The following FXN variants were observed in gnomAD, a reference collection of about 807,000 sequenced individuals.
FXN encodes the protein frataxin, mitochondrial.
Under a neutral mutation model 22.4 loss-of-function variants are expected in FXN, and 14 were observed. The observed-to-expected ratio is 0.62, with a 90% CI of 0.41 to 0.98. The LOEUF (loss-of-function observed/expected upper bound fraction) is 0.98, where lower values mean the gene tolerates loss of function less well. Ranked by LOEUF, FXN falls within the 50% of genes least tolerant of loss-of-function variation. The probability of loss-of-function intolerance (pLI) is 0.00; values close to 1 mark genes in which losing one functional copy is unlikely to be tolerated. For synonymous variants in FXN, 120 were observed against 114.1 expected (o/e 1.05, Z -0.33); for missense variants, 267 against 268.4 (o/e 0.99, Z 0.04).
chr9:69,036,109 A>G (rs1161573071), intron 1 of FXN, 162 bp downstream of exon 1: 1 of 463,888 alleles, frequency 2.2e-6, no homozygotes, highest in East Asian at 4.8e-5. Flanking sequence ...GCGGCCTTGC[A>G]ACTCCCTTCT....
In FXN at chr9:69,075,659, G is replaced by A; in HGVS notation, c.*2897G>A. 1 of 985,318 alleles carries A rather than the reference G, an allele frequency of 1.0e-6. No homozygotes were observed. Among genetic ancestry groups the A allele is most frequent in the Non-Finnish European group, 1.2e-6 (1 of 829,884 alleles). 61.0% of individuals were successfully genotyped at this position (985,318 alleles called of 1,614,324 possible). ...GTGAAGGATGAGTTTCCAGGAAAAG[G>A]TTATTAAATATTCACTGTAACATAC... On this transcript the variant is annotated 3_prime_UTR_variant, in exon 5 of 5. Coordinates refer to ENST00000484259, the MANE Select transcript of FXN (RefSeq NM_000144.5).
chr9:69,038,029 C>T (rs529121579), intron 1 of FXN, among the ~76,000 whole-genome samples: 72 of 152,336 alleles, frequency 4.7e-4, no homozygotes, highest in African/African-American at 1.7e-3. Context: ...CTGTTAAGGG[C>T]TATTGACTGA....
intron 2 of FXN, 21 bp downstream of exon 2, chr9:69,046,503 C>T (rs184398096): frequency 9.8e-5 from 149 of 1,526,942 alleles, no homozygotes; most frequent in East Asian, 2.3e-5. Context: ...ACACCTTCCA[C>T]GTCATAGGTA....
At chr9:69,066,407 C>G (rs1373712863) in intron 4 of FXN, among the ~76,000 whole-genome samples, 1 of 152,198 alleles carries the variant, frequency 6.6e-6, no homozygotes, top group African/African-American at 2.4e-5. Flanking sequence ...CCCACACTTT[C>G]ATCCAAGAAG....
chr9:69,058,713 C>T (rs1832008555), intron 3 of FXN, among the ~76,000 whole-genome samples: 1 of 152,042 alleles, frequency 6.6e-6, no homozygotes, highest in African/African-American at 2.4e-5. Flanking sequence ...CGGTGTGCCA[C>T]GTGGTTGGAG....
chr9:69,074,690 A>G lies in FXN; in HGVS notation c.*1928A>G. On this transcript the variant is annotated 3_prime_UTR_variant, in exon 5 of 5. Transcript: ENST00000484259. ...TGAGACAGGAGGATTGCTTGAAGCC[A>G]GGAATTGGAGATCAGCCTGGGCAAC... 1 of 969,376 alleles carries G rather than the reference A, an allele frequency of 1.0e-6. No individual in the cohort carries two copies. The highest frequency in any genetic ancestry group is 1.2e-6 in the Non-Finnish European group (1 of 815,412). 60.0% of individuals were successfully genotyped at this position (969,376 alleles called of 1,614,324 possible).
At chr9:69,043,896 T>A (rs1044469940) in intron 1 of FXN, among the ~76,000 whole-genome samples, 13 of 152,084 alleles carry the variant, frequency 8.5e-5, no homozygotes, top group African/African-American at 3.1e-4. Flanking sequence ...ATGTTTTTTA[T>A]TTTTCAAGTT....
chr9:69,038,818 T>C (rs1831606622), intron 1 of FXN, among the ~76,000 whole-genome samples: 2 of 152,196 alleles, frequency 1.3e-5, no homozygotes, highest in African/African-American at 4.8e-5. Context: ...ATAAGATATC[T>C]TGCATACTCT....
intron 4 of FXN, among the ~76,000 whole-genome samples, chr9:69,069,452 C>T (rs1307038898): frequency 1.3e-5 from 2 of 152,140 alleles, no homozygotes; most frequent in African/African-American, 2.4e-5. Context: ...TCGTGCTAAG[C>T]GGCTACTGTG....
At chr9:69,067,924 A>G (rs57101084) in intron 4 of FXN, among the ~76,000 whole-genome samples, 13 of 152,334 alleles carry the variant, frequency 8.5e-5, no homozygotes, top group African/African-American at 2.9e-4. Flanking sequence ...CTAAGTCAGA[A>G]TAGAGTCAAC....
chr9:69,058,912 C>T (rs929853057), intron 3 of FXN, among the ~76,000 whole-genome samples: 1 of 151,962 alleles, frequency 6.6e-6, no homozygotes, highest in Non-Finnish European at 1.5e-5. Flanking sequence ...ACTAAAAATG[C>T]AAAAACTTAG....
intron 4 of FXN, among the ~76,000 whole-genome samples, chr9:69,068,745 G>A (rs977682557): frequency 1.3e-5 from 2 of 152,200 alleles, no homozygotes; most frequent in Non-Finnish European, 1.5e-5. Context: ...GCCAAGATGC[G>A]GCCAGCACCT....
intron 4 of FXN, among the ~76,000 whole-genome samples, chr9:69,072,136 G>A (rs1411675): frequency 0.49 from 75,097 of 152,072 alleles, 18,888 homozygotes; most frequent in East Asian, 0.64. Flanking sequence ...TTGAAGCTAG[G>A]CAGAGGTAGT....
intron 3 of FXN, among the ~76,000 whole-genome samples, chr9:69,060,238 G>T (rs141876112): frequency 0.016 from 2,392 of 152,222 alleles, 59 homozygotes; most frequent in African/African-American, 0.054. Context: ...GGGCGTGGTG[G>T]TGGGCGCCTG....
Position 69,072,675 on chromosome 9 carries a change from C to G in FXN, c.546C>G (p.Leu182=). The change falls in exon 5 of 5, where the codon CTC becomes CTG. Residue 182 remains leucine, a synonymous_variant. Transcript: ENST00000484259. ...TGTACTCCCACGACGGCGTGTCCCTCCATGAGCTGCTGGCCGCAGAGCTCA... is the reference window on the plus strand; with the variant it reads ...TGTACTCCCACGACGGCGTGTCCCTGCATGAGCTGCTGGCCGCAGAGCTCA... The part of the protein sequence containing the change: ...NWVYSHDGVS[L]HELLAAELTK... 5 of 1,614,200 alleles carry G rather than the reference C, an allele frequency of 3.1e-6. No homozygotes were observed. Among genetic ancestry groups the G allele is most frequent in the Non-Finnish European group, 4.2e-6 (5 of 1,180,034 alleles).
chr9:69,060,231 C>T (rs532918032), intron 3 of FXN, among the ~76,000 whole-genome samples: 28 of 152,168 alleles, frequency 1.8e-4, no homozygotes, highest in Non-Finnish European at 3.1e-4. Flanking sequence ...ATTAGCTGGG[C>T]GTGGTGGTGG....
chr9:69,049,946 A>G (rs1306230643), intron 2 of FXN, among the ~76,000 whole-genome samples: 1 of 152,260 alleles, frequency 6.6e-6, no homozygotes, highest in Non-Finnish European at 1.5e-5. Flanking sequence ...AAAATTGAAC[A>G]GTCCTATGAA....
intron 3 of FXN, among the ~76,000 whole-genome samples, chr9:69,060,548 T>G (rs3793461): frequency 0.37 from 56,393 of 152,050 alleles, 11,531 homozygotes; most frequent in Non-Finnish European, 0.45. Context: ...AAAGCCCTCT[T>G]TATCTGGTCT....
chr9:69,072,839 T>TTTG lies in FXN; in HGVS notation c.*92_*94dup, dbSNP rs35195101. 1.9e-5 allele frequency: 31 copies of TTTG among 1,603,918 alleles called. No homozygotes were observed. The highest frequency in any genetic ancestry group is 2.1e-4 in the Middle Eastern group (1 of 4,860). On this transcript the variant is annotated 3_prime_UTR_variant, in exon 5 of 5. Coordinates refer to ENST00000484259, the MANE Select transcript of FXN (RefSeq NM_000144.5). ...TTCATTATGCAGCTGAGGTCTGTTT[T>TTTG]TTGTTGTTGTTGTTGTTTATTTTTT...
Sources: gnomAD v4.1 joint callset for allele counts (sites outside exome capture counted in the v4.1 genomes callset) on GRCh38, gnomAD v4.1.1 for gene constraint, MANE v1.5 for transcripts, NCBI Gene and HGNC (gene_info 2026-07-23, HGNC 2026-07-21) for gene names.